KIAA2012: variants seen among roughly 807,000 people sequenced by gnomAD.
KIAA2012 encodes the protein uncharacterized protein KIAA2012.
Under a neutral mutation model 150.6 loss-of-function variants are expected in KIAA2012, and 125 were observed. That is an observed-to-expected ratio of 0.83 (90% CI 0.72 to 0.96). The LOEUF is 0.96. Ranked by LOEUF, KIAA2012 falls within the 40% of genes least tolerant of loss-of-function variation. The pLI is 0.00. For missense variants in KIAA2012, 1,219 were observed against 1,354.9 expected, an observed-to-expected ratio of 0.90 and a Z score of 1.57; for synonymous variants, 462 against 504.7, an observed-to-expected ratio of 0.92 and a Z score of 1.13.
At chr2:202,160,151 A>G (rs890545950) in intron 14 of KIAA2012, among the ~76,000 whole-genome samples, 1 of 152,102 alleles carries the variant, frequency 6.6e-6, no homozygotes, top group Non-Finnish European at 1.5e-5. Context: ...AAAAATCCCC[A>G]CAATATCAGA....
At chr2:202,090,468 C>T (rs1689689015) in intron 2 of KIAA2012, among the ~76,000 whole-genome samples, 1 of 152,250 alleles carries the variant, frequency 6.6e-6, no homozygotes, top group African/African-American at 2.4e-5. Context: ...TTTTCACAGG[C>T]TGAACTAGGT....
chr2:202,201,644 C>T, intron 22 of KIAA2012: 1 of 1,610,760 alleles, frequency 6.2e-7, no homozygotes, highest in Non-Finnish European at 8.5e-7. Context: ...AACCTAAAGA[C>T]CCAACAGCCA....
intron 12 of KIAA2012, among the ~76,000 whole-genome samples, chr2:202,127,059 A>G (rs1690809169): frequency 6.6e-6 from 1 of 152,026 alleles, no homozygotes; most frequent in Admixed American, 6.6e-5. Context: ...TGTGGGTAAC[A>G]CTAAAAAGGA....
Position 202,090,885 on chromosome 2 carries a change from T to C in KIAA2012, c.485T>C (p.Leu162Pro). Residue 162 changes from leucine (L) to proline (P), a missense_variant, in exon 3 of 24, where the codon CTG becomes CCG. Transcript: ENST00000498697. ...GCCAAGAGATACCTCCGAGGCCTCC[T>C]GCGGACTTGGCCCCCAGACGCCATG... ...HSAKRYLRGL[L>P]RTWPPDAMYR... is the part of the protein sequence containing the mutation. 2.6e-6 allele frequency: 4 copies of C among 1,550,470 alleles called. No homozygotes were observed. The highest frequency in any genetic ancestry group is 3.5e-6 in the Non-Finnish European group (4 of 1,146,874).
chr2:202,165,059 A>G (rs550721747), intron 14 of KIAA2012, among the ~76,000 whole-genome samples: 1 of 152,142 alleles, frequency 6.6e-6, no homozygotes, highest in African/African-American at 2.4e-5. Context: ...AATAGCTGAG[A>G]CTACAGGTGC....
intron 4 of KIAA2012, among the ~76,000 whole-genome samples, chr2:202,093,622 A>G (rs546741963): frequency 6.6e-6 from 1 of 152,300 alleles, no homozygotes; most frequent in Non-Finnish European, 1.5e-5. Flanking sequence ...GATGTGAAAT[A>G]TATATATAGG....
rs994927161 is a variant in KIAA2012, at chr2:202,173,605, A to G, written c.2119+8249A>G. On this transcript the variant is annotated intron_variant, in intron 15 of 23. Coordinates refer to ENST00000498697, the MANE Select transcript of KIAA2012 (RefSeq NM_001277372.4). ...ATAAAAAAAGGAAAATTATAGACCA[A>G]TCTCACTTATGATCAAACATACAAA... Among the ~76,000 whole-genome samples the G allele has an allele frequency of 4.6e-5, 7 of 152,100 alleles. No homozygotes were observed. In the South Asian group the frequency reaches 6.2e-4, roughly 14 times the overall value.
chr2:202,188,730 C>T (rs1692275591), intron 18 of KIAA2012, among the ~76,000 whole-genome samples: 2 of 152,126 alleles, frequency 1.3e-5, no homozygotes, highest in African/African-American at 2.4e-5. Context: ...ATTCTATTGC[C>T]ACTGCCTCCA....
chr2:202,141,384 G>A (rs954059013), intron 13 of KIAA2012, among the ~76,000 whole-genome samples: 1 of 152,036 alleles, frequency 6.6e-6, no homozygotes, highest in Non-Finnish European at 1.5e-5. Context: ...TGAGGTGGTG[G>A]GGGCAGGGGT....
Position 202,193,304 on chromosome 2 carries a change from C to G in KIAA2012, c.2815C>G (p.Leu939Val), listed in dbSNP as rs1031608129. The change falls in exon 20 of 24, where the codon CTC becomes GTC. Residue 939 changes from leucine to valine, a missense_variant. Leu to Val is a conservative substitution (Grantham distance 32). Coordinates refer to ENST00000498697, the MANE Select transcript of KIAA2012 (RefSeq NM_001277372.4). ...ERRCEDPSKALLTKREQEKAS... is the reference protein window; with the variant it reads ...ERRCEDPSKAVLTKREQEKAS... Reference sequence around the variant, plus strand: ...TGAGAACACTCTGGTTTCTTAGGCCCTCCTCACTAAGAGGGAGCAGGAGAA... The same window carrying G: ...TGAGAACACTCTGGTTTCTTAGGCCGTCCTCACTAAGAGGGAGCAGGAGAA... 4.5e-6 allele frequency: 7 copies of G among 1,549,166 alleles called. No individual in the cohort carries two copies. In the Admixed American group the frequency reaches 9.8e-5, roughly 22 times the overall value.
chr2:202,092,509 CAA>C (rs1689749350), intron 3 of KIAA2012, among the ~76,000 whole-genome samples: 2 of 152,176 alleles, frequency 1.3e-5, no homozygotes, highest in African/African-American at 4.8e-5. Flanking sequence ...ATACAGAACA[CAA>C]GAGAGCTTTG....
chr2:202,153,438 C>A (rs1465419727), intron 13 of KIAA2012, among the ~76,000 whole-genome samples: 1 of 152,226 alleles, frequency 6.6e-6, no homozygotes, highest in Non-Finnish European at 1.5e-5. Flanking sequence ...AGCTCAAGGG[C>A]TGGTGCCCAT....
In KIAA2012 at chr2:202,196,938, C is replaced by G. The variant is rs1692426451; in HGVS notation, c.3326C>G (p.Ala1109Gly). 6.5e-7 allele frequency: 1 copy of G among 1,550,386 alleles called. No homozygotes were observed. Among genetic ancestry groups the G allele is most frequent in the Non-Finnish European group, 8.7e-7 (1 of 1,147,000 alleles). Residue 1109 changes from alanine to glycine, a missense_variant, in exon 22 of 24, where the codon GCA becomes GGA. Physicochemically the swap from Ala to Gly is moderately conservative, Grantham distance 60. Coordinates refer to ENST00000498697, the MANE Select transcript of KIAA2012 (RefSeq NM_001277372.4). ...QEAEEKARLE[A>G]EERRQKEEEA... ...GCAGAAGAGAAGGCTCGGCTGGAGG[C>G]AGAGGAGAGGAGGCAAAAAGAAGAG... is the stretch of plus-strand genomic sequence containing the variant.
intron 12 of KIAA2012, among the ~76,000 whole-genome samples, chr2:202,126,801 A>G (rs1690801802): frequency 6.6e-6 from 1 of 152,176 alleles, no homozygotes; most frequent in Non-Finnish European, 1.5e-5. Context: ...AATGTGGCTC[A>G]AGAGAGGTTA....
In KIAA2012 at chr2:202,154,674, G is replaced by GA; in HGVS notation, c.1911dup (p.Ala638SerfsTer21). The GA allele has an allele frequency of 6.5e-7, 1 of 1,536,862 alleles. No homozygotes were observed. Among genetic ancestry groups the GA allele is most frequent in the Non-Finnish European group, 8.7e-7 (1 of 1,143,642 alleles). ...CGGGCTTTCTGCTTCTCTTCACAGG[G>GA]AGCCCAGCAGTCCTTGGAGGCAGCA... On this transcript the variant is annotated frameshift_variant and splice_region_variant, in exon 14 of 24. Coordinates refer to ENST00000498697, the MANE Select transcript of KIAA2012 (RefSeq NM_001277372.4). LOFTEE classifies it high-confidence loss of function.
chr2:202,084,361 A>G (rs1575001523), intron 2 of KIAA2012, among the ~76,000 whole-genome samples: 1 of 152,200 alleles, frequency 6.6e-6, no homozygotes, highest in East Asian at 1.9e-4. Context: ...CAAGACAGCC[A>G]GTGCGGGGGA....
intron 15 of KIAA2012, chr2:202,179,307 G>A (rs528298868): frequency 2.5e-6 from 3 of 1,200,746 alleles, no homozygotes; most frequent in African/African-American, 1.5e-5. Context: ...GGCGGAGCGC[G>A]GTACGGCTTT....
At chr2:202,178,701 A>G (rs766193378) in intron 15 of KIAA2012, 1 of 154,210 alleles carries the variant, frequency 6.5e-6, no homozygotes, top group South Asian at 2.0e-4. Context: ...CTCTCTGTTA[A>G]TGTTACATAT....
At chr2:202,088,956 G>A (rs1333711128) in intron 2 of KIAA2012, among the ~76,000 whole-genome samples, 1 of 152,198 alleles carries the variant, frequency 6.6e-6, no homozygotes, top group Non-Finnish European at 1.5e-5. Flanking sequence ...AGGCAGAGCA[G>A]GCCTTGAGCC....
Sources: allele counts gnomAD v4.1 joint callset (sites outside exome capture counted in the v4.1 genomes callset), GRCh38; gene constraint gnomAD v4.1.1; transcripts MANE v1.5; gene names NCBI Gene and HGNC (gene_info 2026-07-23, HGNC 2026-07-21).